The following SASH1 variants were observed in gnomAD, a reference collection of about 807,000 sequenced individuals.
SASH1 encodes SAM and SH3 domain containing 1, also known as SAM and SH3 domain-containing protein 1.
A neutral mutation model predicts 125.2 loss-of-function variants in SASH1; 44 were observed. The ratio of observed to expected loss-of-function variants is 0.35; its 90% CI spans 0.28 to 0.45. SASH1 has a LOEUF of 0.45. Ranked by LOEUF, SASH1 falls within the 20% of genes least tolerant of loss-of-function variation. The pLI, the probability that SASH1 is intolerant of heterozygous loss-of-function variation, is 1.00. For missense variants in SASH1, 1,426 were observed against 1,614.5 expected (o/e 0.88, Z 2.00); for synonymous variants, 639 against 649.1 (o/e 0.98, Z 0.24).
intron 4 of SASH1, among the ~76,000 whole-genome samples, chr6:148,443,887 G>A (rs1202633284): frequency 4.6e-5 from 7 of 152,186 alleles, no homozygotes; most frequent in African/African-American, 1.4e-4. Flanking sequence ...GTTGAGTACA[G>A]GACCCTCAAA....
chr6:148,467,088 CTTTTT>C (rs71004298), intron 4 of SASH1, among the ~76,000 whole-genome samples: 1 of 69,936 alleles, frequency 1.4e-5, no homozygotes, highest in Non-Finnish European at 2.4e-5. Flanking sequence ...TTCCCTGTTC[CTTTTT>C]TTTTTTTTTT....
At chr6:148,365,280 A>T (rs192365926) in intron 1 of SASH1, among the ~76,000 whole-genome samples, 58 of 152,322 alleles carry the variant, frequency 3.8e-4, no homozygotes, top group African/African-American at 1.2e-3. Flanking sequence ...GTCTGTTGAC[A>T]TTGCAAAATC....
chr6:148,370,136 TC>T (rs1782654388), intron 1 of SASH1, among the ~76,000 whole-genome samples: 1 of 152,152 alleles, frequency 6.6e-6, no homozygotes, highest in Non-Finnish European at 1.5e-5. Context: ...GAAGGATAGA[TC>T]AAGTGAAAGT....
chr6:148,429,286 T>C (rs1027101179), intron 2 of SASH1, among the ~76,000 whole-genome samples: 28 of 148,564 alleles, frequency 1.9e-4, no homozygotes, highest in Non-Finnish European at 3.7e-4. Context: ...TCCAGGAGGC[T>C]GAGGCAGGAG....
At chr6:148,308,272 C>CTG (rs1289836022) in intron 1 of SASH1, among the ~76,000 whole-genome samples, 1 of 139,776 alleles carries the variant, frequency 7.2e-6, no homozygotes, top group Non-Finnish European at 1.6e-5. Flanking sequence ...GATATTAAAT[C>CTG]CGCCCCCCCC....
At chr6:148,220,225 C>T in the SASH1 span, among the ~76,000 whole-genome samples, 19 of 152,124 alleles carry the variant, frequency 1.2e-4, no homozygotes, top group Admixed American at 2.6e-4. Flanking sequence ...TGGTGAGGGC[C>T]CCGTCTCTGC....
intron 8 of SASH1, among the ~76,000 whole-genome samples, chr6:148,507,658 C>T (rs865932047): frequency 5.3e-5 from 8 of 152,092 alleles, no homozygotes; most frequent in East Asian, 1.9e-4. Flanking sequence ...TGTGCCTGGC[C>T]GTTTTTAGTT....
intron 8 of SASH1, among the ~76,000 whole-genome samples, chr6:148,511,324 T>TACACACACAC (rs58822082): frequency 9.7e-4 from 132 of 135,462 alleles, no homozygotes; most frequent in Non-Finnish European, 1.7e-3. Flanking sequence ...AATTTTCTAT[T>TACACACACAC]ACACACACAC....
intron 2 of SASH1, among the ~76,000 whole-genome samples, chr6:148,426,483 C>T (rs1210822168): frequency 1.3e-5 from 2 of 152,160 alleles, no homozygotes; most frequent in Admixed American, 1.3e-4. Context: ...TGAAGGTGCT[C>T]TGGTTTCCAT....
Position 148,386,168 on chromosome 6 carries a change from C to T in SASH1, c.157-3966C>T, listed in dbSNP as rs1783358777. Among the ~76,000 whole-genome samples, 3 of 152,058 alleles carry T rather than the reference C, an allele frequency of 2.0e-5. 1 individual carries two copies. Among genetic ancestry groups the T allele is most frequent in the South Asian group, 4.2e-4 (2 of 4,812 alleles). ...AGTGTGGAGGGAGGGGAACCACCTC[C>T]CCTGCCCAACCATGTCTGGTGTCAG... is the stretch of plus-strand genomic sequence containing the variant. On this transcript the variant is annotated intron_variant, in intron 1 of 19. Transcript: ENST00000367467.
intron 1 of SASH1, among the ~76,000 whole-genome samples, chr6:148,350,438 A>C (rs1781688006): frequency 6.6e-6 from 1 of 152,238 alleles, no homozygotes; most frequent in South Asian, 2.1e-4. Context: ...AAGATCTTTA[A>C]ATCATTCTTT....
chr6:148,407,590 C>G (rs1265046053), intron 2 of SASH1, among the ~76,000 whole-genome samples: 1 of 152,106 alleles, frequency 6.6e-6, no homozygotes, highest in Non-Finnish European at 1.5e-5. Flanking sequence ...GGGAATATGC[C>G]TAGAGGTGGA....
intron 5 of SASH1, among the ~76,000 whole-genome samples, chr6:148,469,794 G>A (rs1227744265): frequency 3.3e-5 from 5 of 152,002 alleles, no homozygotes; most frequent in Admixed American, 6.6e-5. Context: ...TTGGGAGGCC[G>A]AGGAGGGTGG....
chr6:148,199,362 G>A, the SASH1 span, among the ~76,000 whole-genome samples: 1 of 147,622 alleles, frequency 6.8e-6, no homozygotes, highest in Non-Finnish European at 1.5e-5. Flanking sequence ...AACAGTGCAA[G>A]ACTCCGTCTC....
At chr6:148,485,381 A>G (rs921941315) in intron 7 of SASH1, among the ~76,000 whole-genome samples, 3 of 152,222 alleles carry the variant, frequency 2.0e-5, no homozygotes. Context: ...AGTGATTAAT[A>G]CCTCTAATAC....
At chr6:148,401,004 G>A (rs2114868093) in intron 2 of SASH1, among the ~76,000 whole-genome samples, 1 of 152,264 alleles carries the variant, frequency 6.6e-6, no homozygotes, top group South Asian at 2.1e-4. Flanking sequence ...CAGCACTTTG[G>A]GAGGCCAAGG....
chr6:148,375,651 T>C (rs185070930), intron 1 of SASH1, among the ~76,000 whole-genome samples: 11 of 152,330 alleles, frequency 7.2e-5, no homozygotes, highest in Non-Finnish European at 1.5e-4. Context: ...GAAATGAAAG[T>C]ATGGCCATGA....
chr6:148,403,825 C>G (rs910365229), intron 2 of SASH1, among the ~76,000 whole-genome samples: 1 of 152,224 alleles, frequency 6.6e-6, no homozygotes, highest in African/African-American at 2.4e-5. Context: ...AGCCACTGCA[C>G]CCCACCTTCC....
the SASH1 span, among the ~76,000 whole-genome samples, chr6:148,249,093 T>C: frequency 6.6e-6 from 1 of 152,282 alleles, no homozygotes; most frequent in East Asian, 1.9e-4. Context: ...AATGAATGAA[T>C]GAGTGACTAA....
Sources: allele counts gnomAD v4.1 joint callset (sites outside exome capture counted in the v4.1 genomes callset), GRCh38; gene constraint gnomAD v4.1.1; transcripts MANE v1.5; gene names NCBI Gene and HGNC (gene_info 2026-07-23, HGNC 2026-07-21).